The following CNIH2 variants were observed in gnomAD, a reference collection of about 807,000 sequenced individuals.
CNIH2 encodes protein cornichon homolog 2.
Under a neutral mutation model 22.9 loss-of-function variants are expected in CNIH2, and 8 were observed. The ratio of observed to expected loss-of-function variants is 0.35; its 90% CI spans 0.20 to 0.63. The LOEUF (loss-of-function observed/expected upper bound fraction) is 0.63, where lower values mean the gene tolerates loss of function less well. Ranked by LOEUF, CNIH2 falls within the 30% of genes least tolerant of loss-of-function variation. The pLI, the probability that CNIH2 is intolerant of heterozygous loss-of-function variation, is 0.72. For synonymous variants in CNIH2, 74 were observed against 78.2 expected, an observed-to-expected ratio of 0.95 and a Z score of 0.28; for missense variants, 105 against 206.2, an observed-to-expected ratio of 0.51 and a Z score of 3.01.
At chr11:66,282,885 C>T (rs1857284653) in intron 3 of CNIH2, 105 bp downstream of exon 3, 2 of 1,451,748 alleles carry the variant, frequency 1.4e-6, no homozygotes, top group African/African-American at 2.8e-5. Flanking sequence ...TTGATCCACT[C>T]TACTTGGGAG....
chr11:66,281,740 C>T (rs1857261423), intron 1 of CNIH2, among the ~76,000 whole-genome samples: 1 of 152,096 alleles, frequency 6.6e-6, no homozygotes, highest in African/African-American at 2.4e-5. Context: ...TTTCACCCCT[C>T]TGCCATTGCA....
At chr11:66,281,459 C>T (rs368531257) in intron 1 of CNIH2, 13 of 456,142 alleles carry the variant, frequency 2.8e-5, no homozygotes, top group Admixed American at 1.9e-4. Flanking sequence ...TCAGTGAGCT[C>T]GGATTTCCTG....
chr11:66,282,429 G>GTGGGGGGGGGGGGGGGGGGGGC, intron 2 of CNIH2, 102 bp downstream of exon 2: 2 of 479,454 alleles, frequency 4.2e-6, no homozygotes, highest in Non-Finnish European at 8.4e-6. Context: ...GGGGTGGGGG[G>GTGGGGGGGGGGGGGGGGGGGGC]CCTACGGCCA....
chr11:66,278,613 G>A, intron 1 of CNIH2, 76 bp downstream of exon 1: 5 of 1,174,374 alleles, frequency 4.3e-6, no homozygotes, highest in South Asian at 3.2e-5. Context: ...GACCCAGGGC[G>A]GGTGGTCTCA....
Position 66,283,786 on chromosome 11 carries a change from C to A in CNIH2, c.*189C>A. The A allele has an allele frequency of 1.6e-6, 1 of 615,312 alleles. No homozygotes were observed. Among genetic ancestry groups the A allele is most frequent in the Non-Finnish European group, 2.8e-6 (1 of 352,588 alleles). 38.1% of individuals were successfully genotyped at this position (615,312 alleles called of 1,614,324 possible). A position where few individuals can be genotyped will look rare whatever the true frequency, so the allele number is the denominator to read the frequency against. ...CGCCTTCAGAGCCCTCCCCCTTGGA[C>A]TAGAGCGGCTGGGCAGAGCTCTAAA... On this transcript the variant is annotated 3_prime_UTR_variant, in exon 6 of 6. Transcript: ENST00000311445.
At chr11:66,282,943 G>T in intron 3 of CNIH2, 92 bp from the exon 4 acceptor site, 1 of 1,363,466 alleles carries the variant, frequency 7.3e-7, no homozygotes, top group Non-Finnish European at 1.0e-6. Context: ...CACGGTGGGT[G>T]GGCACCTCCC....
rs1857306180 is a variant in CNIH2, at chr11:66,283,957, C to T, written c.*360C>T. On this transcript the variant is annotated 3_prime_UTR_variant, in exon 6 of 6. Transcript: ENST00000311445. ...CTGGAAATTCTGGGCCATCCCCCTC[C>T]ACCCCCACCCTGAGGCTCCCCCTGC... is the stretch of plus-strand genomic sequence containing the variant. 7.9e-6 allele frequency: 2 copies of T among 252,732 alleles called. No individual in the cohort carries two copies. The highest frequency in any genetic ancestry group is 5.0e-5 in the Admixed American group (1 of 19,952). 15.7% of individuals were successfully genotyped at this position (252,732 alleles called of 1,614,324 possible).
intron 1 of CNIH2, among the ~76,000 whole-genome samples, chr11:66,280,136 C>A (rs1384429620): frequency 6.6e-6 from 1 of 152,246 alleles, no homozygotes; most frequent in African/African-American, 2.4e-5. Context: ...AGTTTATCCA[C>A]CACGCCTGCA....
chr11:66,283,004 G>C (rs768722465), intron 3 of CNIH2, 31 bp from the exon 4 acceptor site: 4 of 1,580,870 alleles, frequency 2.5e-6, no homozygotes, highest in Non-Finnish European at 3.5e-6. Context: ...CATAGCACCA[G>C]GCCGCTGACC....
chr11:66,281,176 A>C (rs1372401933), intron 1 of CNIH2, among the ~76,000 whole-genome samples: 1 of 152,106 alleles, frequency 6.6e-6, no homozygotes, highest in Non-Finnish European at 1.5e-5. Context: ...GACCACCATC[A>C]GCCCTGCCCC....
At chr11:66,283,522 G>A (rs1013000701) in intron 5 of CNIH2, 48 bp from the exon 6 acceptor site, 3 of 1,605,988 alleles carry the variant, frequency 1.9e-6, no homozygotes, top group African/African-American at 1.3e-5. Flanking sequence ...GGGCATCTGG[G>A]TGGCTGTGTG....
At position 66,283,560 on chromosome 11, in the gene CNIH2, C is replaced by A. The variant is rs142635924; in HGVS notation, c.456-10C>A. The A allele has an allele frequency of 2.6e-5, 42 of 1,595,808 alleles. No individual in the cohort carries two copies. Among genetic ancestry groups the A allele is most frequent in the Non-Finnish European group, 3.6e-5 (42 of 1,170,314 alleles). ...TGCAGGGCTAGGCTCACTGGCTCAT[C>A]TTCCTACAGTATGGTTTATACGTTG... On this transcript the variant is annotated splice_polypyrimidine_tract_variant and intron_variant, in intron 5 of 5. Transcript: ENST00000311445.
At chr11:66,282,695 T>TCCGCCAC in intron 2 of CNIH2, 38 bp from the exon 3 acceptor site, 1 of 1,612,656 alleles carries the variant, frequency 6.2e-7, no homozygotes, top group Non-Finnish European at 8.5e-7. Context: ...TACCTGCTTC[T>TCCGCCAC]CCGCCACCCC....
Position 66,283,903 on chromosome 11 carries a change from T to A in CNIH2, c.*306T>A. On this transcript the variant is annotated 3_prime_UTR_variant, in exon 6 of 6. Coordinates refer to ENST00000311445, the MANE Select transcript of CNIH2 (RefSeq NM_182553.3). Reference sequence around the variant, plus strand: ...GGCCTTGTCCATTTCGGGGGAAACTTGGGCCCTGCCAAGGGGCAGAGCTTG... The same window carrying A: ...GGCCTTGTCCATTTCGGGGGAAACTAGGGCCCTGCCAAGGGGCAGAGCTTG... 1 of 360,684 alleles carries A rather than the reference T, an allele frequency of 2.8e-6. No individual in the cohort carries two copies. Among genetic ancestry groups the A allele is most frequent in the Non-Finnish European group, 5.2e-6 (1 of 193,548 alleles). 22.3% of individuals were successfully genotyped at this position (360,684 alleles called of 1,614,324 possible).
Position 66,283,622 on chromosome 11 carries a change from C to T in CNIH2, c.*25C>T. ...AGGGGGAAGCCGGCCAGGGAGCGAG[C>T]CCAGAACGGACCGGACGCCTGTGCA... On this transcript the variant is annotated 3_prime_UTR_variant, in exon 6 of 6. Coordinates refer to ENST00000311445, the MANE Select transcript of CNIH2 (RefSeq NM_182553.3). 6.4e-7 allele frequency: 1 copy of T among 1,560,872 alleles called. No homozygotes were observed. The highest frequency in any genetic ancestry group is 2.4e-5 in the East Asian group (1 of 41,654).
At chr11:66,282,125 T>A in intron 1 of CNIH2, 134 bp from the exon 2 acceptor site, 1 of 774,330 alleles carries the variant, frequency 1.3e-6, no homozygotes. Flanking sequence ...TGCTCCTCCC[T>A]GGACCTCGGT....
chr11:66,283,602 G>A lies in CNIH2; in HGVS notation c.*5G>A, dbSNP rs2134883047. ...TATACGTTGGTGAGTTTCTAAGGGG[G>A]AAGCCGGCCAGGGAGCGAGCCCAGA... On this transcript the variant is annotated 3_prime_UTR_variant, in exon 6 of 6. Transcript: ENST00000311445. 3.2e-6 allele frequency: 5 copies of A among 1,571,912 alleles called. No individual in the cohort carries two copies. The highest frequency in any genetic ancestry group is 4.7e-5 in the East Asian group (2 of 42,348).
chr11:66,279,064 C>T (rs924128613), intron 1 of CNIH2, among the ~76,000 whole-genome samples: 7 of 150,376 alleles, frequency 4.7e-5, no homozygotes, highest in Non-Finnish European at 1.0e-4. Flanking sequence ...CAGCAGTTGG[C>T]TCTCATCAGC....
Position 66,278,958 on chromosome 11 carries a change from T to G in CNIH2, c.81+421T>G, listed in dbSNP as rs372696089. Among the ~76,000 whole-genome samples, 8 of 121,460 alleles carry G rather than the reference T, an allele frequency of 6.6e-5. No individual in the cohort carries two copies. The South Asian group carries it at 1.4e-3, about 21-fold the overall frequency. 79.7% of individuals were successfully genotyped at this position (121,460 alleles called of 152,430 possible). ...TTGTGGGTTTTTCCAGCCAGAGTGA[T>G]GGAGCTGGTTGCTATGGCAACTGCA... On this transcript the variant is annotated intron_variant, in intron 1 of 5. Transcript: ENST00000311445.
Sources: gnomAD v4.1 joint callset for allele counts (sites outside exome capture counted in the v4.1 genomes callset) on GRCh38, gnomAD v4.1.1 for gene constraint, MANE v1.5 for transcripts, NCBI Gene and HGNC (gene_info 2026-07-23, HGNC 2026-07-21) for gene names.